MTA3: variants seen among roughly 807,000 people sequenced by gnomAD.
MTA3 encodes the protein metastasis-associated protein MTA3.
In MTA3, 34 loss-of-function variants were observed where a neutral mutation model predicts 83.5. The observed-to-expected ratio is 0.41, with a 90% CI of 0.31 to 0.54. MTA3 has a LOEUF of 0.54. MTA3 is among the 20% of genes least tolerant of loss of function. The pLI, the probability that MTA3 is intolerant of heterozygous loss-of-function variation, is 0.33. For missense variants in MTA3, 761 were observed against 726.4 expected, an observed-to-expected ratio of 1.05 and a Z score of -0.55; for synonymous variants, 303 against 252.7, an observed-to-expected ratio of 1.20 and a Z score of -1.89.
At position 42,756,327 on chromosome 2, in the gene MTA3, C is replaced by A. The variant is rs1356894644; in HGVS notation, c.*2928C>A. 7.4e-6 allele frequency: 3 copies of A among 405,728 alleles called. No homozygotes were observed. The highest frequency in any genetic ancestry group is 4.3e-5 in the African/African-American group (2 of 46,126). The allele number at this position is 405,728 out of a possible 1,614,324, so 25.1% of individuals were successfully genotyped here. A position where few individuals can be genotyped will look rare whatever the true frequency, so the allele number is the denominator to read the frequency against. On this transcript the variant is annotated 3_prime_UTR_variant, in exon 17 of 17. Transcript: ENST00000405094. Reference sequence around the variant, plus strand: ...GAGAGGGGGCCCCAGCCTCTCCCCTCCTCTTGGCCTCCAGAGTCCTGCAGG... The same window carrying A: ...GAGAGGGGGCCCCAGCCTCTCCCCTACTCTTGGCCTCCAGAGTCCTGCAGG...
intron 2 of MTA3, among the ~76,000 whole-genome samples, chr2:42,548,301 C>CA (rs1208103340): frequency 4.6e-5 from 7 of 151,888 alleles, no homozygotes; most frequent in Non-Finnish European, 8.8e-5. Context: ...CCTGTCTCTA[C>CA]AAAAAATACA....
intron 2 of MTA3, among the ~76,000 whole-genome samples, chr2:42,502,379 G>C (rs1674435310): frequency 6.6e-6 from 1 of 152,168 alleles, no homozygotes; most frequent in Non-Finnish European, 1.5e-5. Flanking sequence ...CAGTGGATGT[G>C]TTTGGTGGAG....
chr2:42,650,012 A>T lies in MTA3; in HGVS notation c.499+5768A>T, dbSNP rs182018081. Among the ~76,000 whole-genome samples, 3 of 152,130 alleles carry T rather than the reference A, an allele frequency of 2.0e-5. No individual in the cohort carries two copies. In the East Asian group the frequency reaches 5.8e-4, roughly 29 times the overall value. On this transcript the variant is annotated intron_variant, in intron 6 of 16. Transcript: ENST00000405094. ...GTTACCAACTCTCCTAGGTTTTGAGAGTTTTATCCTATTTTTTCATAAACT... is the reference window on the plus strand; with the variant it reads ...GTTACCAACTCTCCTAGGTTTTGAGTGTTTTATCCTATTTTTTCATAAACT...
At chr2:42,661,506 C>CAAAAAAA (rs1296698587) in intron 8 of MTA3, among the ~76,000 whole-genome samples, 5 of 27,166 alleles carry the variant, frequency 1.8e-4, no homozygotes, top group East Asian at 7.5e-4. Context: ...GACCCTGTCT[C>CAAAAAAA]AAAAAAAAAA....
intron 3 of MTA3, among the ~76,000 whole-genome samples, chr2:42,606,488 CG>C (rs1261589297): frequency 6.7e-6 from 1 of 149,996 alleles, no homozygotes; most frequent in East Asian, 2.0e-4. Context: ...GATGTGCGGC[CG>C]GGCAGAGACG....
At chr2:42,602,974 A>G (rs1458629863) in intron 3 of MTA3, among the ~76,000 whole-genome samples, 1 of 152,154 alleles carries the variant, frequency 6.6e-6, no homozygotes, top group Non-Finnish European at 1.5e-5. Context: ...TATGCTGTGT[A>G]ATTTTATAGT....
At chr2:42,549,500 T>TACA (rs374030418) in intron 2 of MTA3, among the ~76,000 whole-genome samples, 2 of 92,660 alleles carry the variant, frequency 2.2e-5, no homozygotes, top group Non-Finnish European at 3.9e-5. Context: ...ATATATTATA[T>TACA]CATATATAAT....
chr2:42,582,078 G>A (rs775827494), intron 3 of MTA3, among the ~76,000 whole-genome samples: 3 of 150,730 alleles, frequency 2.0e-5, no homozygotes, highest in African/African-American at 4.9e-5. Context: ...TTTTTTTTGA[G>A]ACGGAGTCTT....
intron 1 of MTA3, chr2:42,569,236 G>A (rs1678185873): frequency 6.5e-6 from 1 of 153,576 alleles, no homozygotes; most frequent in South Asian, 1.9e-4. Flanking sequence ...CAGGGGCCCA[G>A]CTGGACGGGC....
rs113619159 is a variant in MTA3, at chr2:42,570,202, G to A, written c.29-235G>A. 5.3e-5 allele frequency among the ~76,000 whole-genome samples: 8 copies of A among 152,254 alleles called. 1 individual carries two copies. The highest frequency in any genetic ancestry group is 1.9e-4 in the African/African-American group (8 of 41,556). On this transcript the variant is annotated intron_variant, in intron 1 of 16. Transcript: ENST00000405094. ...AAAGAAATGACGTATTGGGACAGAA[G>A]TCTAGGAGAAACTGATAAAACATTA...
intron 3 of MTA3, among the ~76,000 whole-genome samples, chr2:42,600,177 A>G (rs1471652873): frequency 1.3e-5 from 2 of 152,076 alleles, no homozygotes; most frequent in Non-Finnish European, 2.9e-5. Flanking sequence ...CAGCCTGGGC[A>G]ACAGAGCGAG....
At chr2:42,617,190 G>C (rs140839471) in intron 4 of MTA3, among the ~76,000 whole-genome samples, 170 of 152,274 alleles carry the variant, frequency 1.1e-3, no homozygotes, top group African/African-American at 4.0e-3. Context: ...GTATTGGATG[G>C]AGAAATAGAT....
intron 2 of MTA3, among the ~76,000 whole-genome samples, chr2:42,512,781 A>G (rs1182074119): frequency 1.3e-5 from 2 of 152,204 alleles, no homozygotes; most frequent in African/African-American, 4.8e-5. Context: ...AACAACAGAT[A>G]CTTATGGAAA....
chr2:42,558,078 G>A (rs1677483193), intron 2 of MTA3, among the ~76,000 whole-genome samples: 2 of 151,970 alleles, frequency 1.3e-5, no homozygotes, highest in South Asian at 2.1e-4. Context: ...CCAGTTTGTC[G>A]GTTGGACCAC....
intron 15 of MTA3, among the ~76,000 whole-genome samples, chr2:42,722,516 AC>A (rs1366809051): frequency 6.6e-6 from 1 of 151,926 alleles, no homozygotes; most frequent in Non-Finnish European, 1.5e-5. Flanking sequence ...GAAGTGTTTT[AC>A]CCCCCTCACC....
At chr2:42,552,299 A>G (rs1171033940) in intron 2 of MTA3, among the ~76,000 whole-genome samples, 1 of 152,216 alleles carries the variant, frequency 6.6e-6, no homozygotes, top group African/African-American at 2.4e-5. Flanking sequence ...GGGGAGAGGT[A>G]TGAATCAGAT....
intron 3 of MTA3, among the ~76,000 whole-genome samples, chr2:42,594,705 CATATATAT>C (rs1167117095): frequency 2.2e-5 from 1 of 46,504 alleles, no homozygotes; most frequent in African/African-American, 1.0e-4. Context: ...TATAAATATA[CATATATAT>C]ATATATATAT....
chr2:42,737,189 A>T (rs1573809922), intron 16 of MTA3, among the ~76,000 whole-genome samples: 1 of 152,214 alleles, frequency 6.6e-6, no homozygotes, highest in Non-Finnish European at 1.5e-5. Context: ...CCAGCACAGC[A>T]CCAGGATTTG....
At chr2:42,719,971 T>C (rs911391119) in intron 15 of MTA3, among the ~76,000 whole-genome samples, 9 of 152,188 alleles carry the variant, frequency 5.9e-5, no homozygotes, top group Non-Finnish European at 1.0e-4. Flanking sequence ...AAATATGTAC[T>C]CAGAGTTGCT....
Sources: gnomAD v4.1 joint callset for allele counts (sites outside exome capture counted in the v4.1 genomes callset) on GRCh38, gnomAD v4.1.1 for gene constraint, MANE v1.5 for transcripts, NCBI Gene and HGNC (gene_info 2026-07-23, HGNC 2026-07-21) for gene names.